Variants in MID1 observed in about 807,000 individuals in gnomAD.
MID1 encodes midline 1.
Under a neutral mutation model 40.4 loss-of-function variants are expected in MID1, and 7 were observed. The observed-to-expected ratio is 0.17, with a 90% CI of 0.10 to 0.33. The LOEUF is 0.33. Ranked by LOEUF, MID1 falls within the 10% of genes least tolerant of loss-of-function variation. MID1 has a pLI of 1.00. For synonymous variants in MID1, 229 were observed against 221.2 expected (o/e 1.04, Z -0.31); for missense variants, 367 against 558.5 (o/e 0.66, Z 3.46).
intron 1 of MID1, among the ~76,000 whole-genome samples, chrX:10,648,956 GTTTTA>G (rs993884640): frequency 3.6e-5 from 4 of 111,994 alleles, no homozygotes; most frequent in Non-Finnish European, 7.5e-5. Context: ...ACATTGAGTA[GTTTTA>G]TTTTATTAAA....
At chrX:10,465,360 T>C (rs1929330291) in intron 7 of MID1, among the ~76,000 whole-genome samples, 1 of 106,808 alleles carries the variant, frequency 9.4e-6, no homozygotes, top group African/African-American at 3.4e-5. Flanking sequence ...GGATTCCAAC[T>C]CCCTGGTATT....
At chrX:10,759,973 C>T (rs1375103834) in intron 1 of MID1, among the ~76,000 whole-genome samples, 6 of 112,098 alleles carry the variant, frequency 5.4e-5, no homozygotes, top group African/African-American at 1.6e-4. Context: ...CGGACTCTCT[C>T]GCATAGTCGC....
chrX:10,548,130 T>A (rs1933769520), intron 2 of MID1, among the ~76,000 whole-genome samples: 1 of 111,944 alleles, frequency 8.9e-6, no homozygotes, highest in African/African-American at 3.2e-5. Flanking sequence ...TTAATTAGTA[T>A]GGGAAGCCCT....
At chrX:10,541,387 C>G (rs746915891) in intron 2 of MID1, among the ~76,000 whole-genome samples, 1 of 110,692 alleles carries the variant, frequency 9.0e-6, no homozygotes, top group Admixed American at 9.6e-5. Context: ...TACAACTTCT[C>G]CATATCTGAA....
chrX:10,797,888 T>G (rs780764561), intron 1 of MID1, among the ~76,000 whole-genome samples: 10 of 111,856 alleles, frequency 8.9e-5, no homozygotes, highest in Non-Finnish European at 1.3e-4. Flanking sequence ...TGTTTTCTTC[T>G]CCAGACTTTG....
chrX:10,536,233 C>T (rs769984382), intron 2 of MID1, among the ~76,000 whole-genome samples: 71 of 111,260 alleles, frequency 6.4e-4, no homozygotes, highest in Admixed American at 3.1e-3. Flanking sequence ...TCAAACAAAA[C>T]AAAACAAAAA....
At chrX:10,808,553 A>G (rs1379854768) in intron 1 of MID1, among the ~76,000 whole-genome samples, 2 of 109,399 alleles carry the variant, frequency 1.8e-5, no homozygotes, top group African/African-American at 6.7e-5. Context: ...TCTCTATGGT[A>G]CACCTCCCTA....
chrX:10,811,773 G>GGATCTTTCATCACA (rs1226586709), intron 1 of MID1, among the ~76,000 whole-genome samples: 1 of 111,688 alleles, frequency 9.0e-6, no homozygotes, highest in African/African-American at 3.3e-5. Context: ...GATCAGACTA[G>GGATCTTTCATCACA]GACTGATCTG....
chrX:10,825,041 T>C (rs1481379428), intron 1 of MID1, among the ~76,000 whole-genome samples: 1 of 111,943 alleles, frequency 8.9e-6, no homozygotes, highest in Non-Finnish European at 1.9e-5. Context: ...AGGATCTTGA[T>C]GGGAAATTTA....
At chrX:10,520,841 G>C (rs1372820660) in intron 3 of MID1, among the ~76,000 whole-genome samples, 1 of 111,402 alleles carries the variant, frequency 9.0e-6, no homozygotes, top group African/African-American at 3.3e-5. Flanking sequence ...TCACATTCTG[G>C]TTGGAAAAAT....
At chrX:10,640,772 A>T (rs1936183582) in intron 1 of MID1, among the ~76,000 whole-genome samples, 1 of 110,575 alleles carries the variant, frequency 9.0e-6, no homozygotes, top group African/African-American at 3.3e-5. Flanking sequence ...GAAGTAAAGC[A>T]CTCCTCAGCA....
At chrX:10,819,752 T>A (rs771146664) in intron 1 of MID1, among the ~76,000 whole-genome samples, 32 of 111,895 alleles carry the variant, frequency 2.9e-4, no homozygotes, top group East Asian at 1.4e-3. Flanking sequence ...TCTTGGGAAT[T>A]CCCTGGAAAC....
At chrX:10,592,067 T>C (rs916731897) in intron 1 of MID1, among the ~76,000 whole-genome samples, 1 of 110,142 alleles carries the variant, frequency 9.1e-6, no homozygotes, top group Admixed American at 9.7e-5. Flanking sequence ...TTCTTTATCA[T>C]TAAGACTTCA....
chrX:10,782,024 A>T (rs1488422845), intron 1 of MID1, among the ~76,000 whole-genome samples: 1 of 112,184 alleles, frequency 8.9e-6, no homozygotes, highest in Non-Finnish European at 1.9e-5. Context: ...CTTATAAAGT[A>T]CACCTCTGAA....
At chrX:10,787,657 C>G (rs763794421) in intron 1 of MID1, among the ~76,000 whole-genome samples, 1 of 99,270 alleles carries the variant, frequency 1.0e-5, no homozygotes, top group African/African-American at 3.7e-5. Context: ...ACAATCCTCT[C>G]GGCTAAGCCT....
chrX:10,648,102 C>T (rs150449890), intron 1 of MID1, among the ~76,000 whole-genome samples: 1 of 111,870 alleles, frequency 8.9e-6, no homozygotes, highest in Non-Finnish European at 1.9e-5. Context: ...ACATGAACAC[C>T]AACAGTAAGA....
chrX:10,782,801 T>G (rs1046176300), intron 1 of MID1, among the ~76,000 whole-genome samples: 4 of 111,982 alleles, frequency 3.6e-5, no homozygotes, highest in Non-Finnish European at 5.6e-5. Flanking sequence ...AATCAAAAAT[T>G]TAAAACAGTA....
chrX:10,486,645 C>T (rs1050103923), intron 4 of MID1, among the ~76,000 whole-genome samples: 4 of 112,098 alleles, frequency 3.6e-5, no homozygotes, highest in African/African-American at 9.7e-5. Context: ...AAAAGGAGTG[C>T]GGCCCTCATC....
chrX:10,717,782 C>A (rs762061563), intron 1 of MID1, among the ~76,000 whole-genome samples: 1 of 111,277 alleles, frequency 9.0e-6, no homozygotes, highest in Admixed American at 9.6e-5. Context: ...CCAAAATTGA[C>A]CACATACTTG....
Sources: gnomAD v4.1 joint callset for allele counts (sites outside exome capture counted in the v4.1 genomes callset) on GRCh38, gnomAD v4.1.1 for gene constraint, MANE v1.5 for transcripts, NCBI Gene and HGNC (gene_info 2026-07-23, HGNC 2026-07-21) for gene names.